The following ISX variants were observed in gnomAD, a reference collection of about 807,000 sequenced individuals.
ISX encodes the protein intestine-specific homeobox.
A neutral mutation model predicts 16.9 loss-of-function variants in ISX; 15 were observed. That is an observed-to-expected ratio of 0.89 (90% CI 0.59 to 1.36). The LOEUF (loss-of-function observed/expected upper bound fraction) is 1.36. Ranked by LOEUF, ISX falls within the 40% of genes most tolerant of loss-of-function variation. The pLI, the probability that ISX is intolerant of heterozygous loss-of-function variation, is 0.00. For synonymous variants in ISX, 125 were observed against 119.7 expected (o/e 1.04, Z -0.29); for missense variants, 316 against 306.1 (o/e 1.03, Z -0.24).
intron 2 of ISX, among the ~76,000 whole-genome samples, chr22:35,075,589 A>G (rs1009945411): frequency 3.1e-4 from 47 of 152,196 alleles, no homozygotes; most frequent in Non-Finnish European, 1.5e-4. Context: ...GCTTTAAAAT[A>G]AAAAAAGGAA....
chr22:35,080,711 A>T (rs1569113394), intron 2 of ISX, among the ~76,000 whole-genome samples: 1 of 140,182 alleles, frequency 7.1e-6, no homozygotes, highest in Non-Finnish European at 1.5e-5. Context: ...AATGTCCAGG[A>T]TGAATTCCAA....
chr22:35,078,400 C>G (rs1350132432), intron 2 of ISX, among the ~76,000 whole-genome samples: 9 of 152,198 alleles, frequency 5.9e-5, no homozygotes, highest in Non-Finnish European at 1.0e-4. Context: ...TACATCAATT[C>G]TGACTGACTT....
chr22:35,082,792 G>A (rs1306576237), intron 3 of ISX, 123 bp downstream of exon 3: 4 of 959,308 alleles, frequency 4.2e-6, no homozygotes, highest in Non-Finnish European at 6.1e-6. Context: ...TATCCTGTGA[G>A]TACAGTCATT....
chr22:35,078,542 G>T (rs1466491843), intron 2 of ISX, among the ~76,000 whole-genome samples: 1 of 152,176 alleles, frequency 6.6e-6, no homozygotes, highest in African/African-American at 2.4e-5. Context: ...CAGAGATGAG[G>T]CTCTCCTACA....
chr22:35,069,831 T>C (rs1928802953), intron 2 of ISX, among the ~76,000 whole-genome samples: 1 of 152,192 alleles, frequency 6.6e-6, no homozygotes, highest in African/African-American at 2.4e-5. Context: ...AATAAGTTCC[T>C]CTTTGTCTCC....
rs1262234547 is a variant in ISX, at chr22:35,075,820, C to A, written c.230-6698C>A. On this transcript the variant is annotated intron_variant, in intron 2 of 4. Coordinates refer to ENST00000404699, the MANE Select transcript of ISX (RefSeq NM_001303508.2). ...ACTTTCTGGTGAGTTTCTCAAGGGT[C>A]TCCTCCTAATTGTTCCAGTGATTTC... Among the ~76,000 whole-genome samples the A allele has an allele frequency of 2.6e-5, 4 of 152,306 alleles. No individual in the cohort carries two copies. The East Asian group carries it at 5.8e-4, about 22-fold the overall frequency.
chr22:35,075,628 T>C (rs2413294), intron 2 of ISX, among the ~76,000 whole-genome samples: 86,497 of 151,982 alleles, frequency 0.57, 25,109 homozygotes, highest in Middle Eastern at 0.65. Context: ...AATACGTAAG[T>C]AAAAAGTATG....
rs572709197 is a variant in ISX at position 35,085,580 on chromosome 22, T to C, written c.625T>C (p.Trp209Arg). 1.9e-6 allele frequency: 3 copies of C among 1,614,184 alleles called. No individual in the cohort carries two copies. Among genetic ancestry groups the C allele is most frequent in the East Asian group, 2.2e-5 (1 of 44,882 alleles). The change falls in exon 5 of 5, where the codon TGG becomes CGG. Residue 209 changes from tryptophan (W) to arginine (R), a missense_variant. By Grantham distance (101) the Trp-to-Arg change is moderately radical (BLOSUM62 -3). Transcript: ENST00000404699. ...AWITLLPAHP[W>R]ETQPVPGLPI... is the part of the protein sequence containing the mutation. ...GATCACCCTCCTCCCAGCGCACCCATGGGAAACACAGCCTGTCCCAGGTCT... is the reference window on the plus strand; with the variant it reads ...GATCACCCTCCTCCCAGCGCACCCACGGGAAACACAGCCTGTCCCAGGTCT...
At chr22:35,067,594 T>C (rs1217627682) in intron 2 of ISX, among the ~76,000 whole-genome samples, 1 of 152,236 alleles carries the variant, frequency 6.6e-6, no homozygotes, top group African/African-American at 2.4e-5. Context: ...TTACCATTTA[T>C]TCAGCATTGA....
chr22:35,069,498 C>T (rs1928793046), intron 2 of ISX, among the ~76,000 whole-genome samples: 1 of 152,206 alleles, frequency 6.6e-6, no homozygotes, highest in Admixed American at 6.5e-5. Flanking sequence ...TCTCTCCCAG[C>T]TCTGACATGC....
chr22:35,068,920 A>G (rs905633806), intron 2 of ISX, among the ~76,000 whole-genome samples: 1 of 152,234 alleles, frequency 6.6e-6, no homozygotes, highest in Non-Finnish European at 1.5e-5. Context: ...TATGTGAGTA[A>G]TGAGCACTAG....
rs147945190 is a variant in ISX at position 35,078,360 on chromosome 22, TG to T, written c.230-4156del. Among the ~76,000 whole-genome samples, 1,327 of 152,306 alleles carry T rather than the reference TG, an allele frequency of 8.7e-3. 21 individuals are homozygous for T. The highest frequency in any genetic ancestry group is 0.03 in the African/African-American group (1,248 of 41,564). On this transcript the variant is annotated intron_variant, in intron 2 of 4. Coordinates refer to ENST00000404699, the MANE Select transcript of ISX (RefSeq NM_001303508.2). Reference sequence around the variant, plus strand: ...ACAGAGATGACATTCACTGAGCTCTTGGAATGAATTAACACCTGCCATTTCT... The same window carrying T: ...ACAGAGATGACATTCACTGAGCTCTTGAATGAATTAACACCTGCCATTTCT...
intron 4 of ISX, 106 bp from the exon 5 acceptor site, chr22:35,085,348 G>T (rs1929225585): frequency 7.3e-7 from 1 of 1,376,236 alleles, no homozygotes; most frequent in Non-Finnish European, 1.0e-6. Flanking sequence ...AGAACAAGTG[G>T]ATCACACTAC....
intron 2 of ISX, among the ~76,000 whole-genome samples, chr22:35,067,946 C>A (rs1320909691): frequency 6.6e-6 from 1 of 152,182 alleles, no homozygotes; most frequent in Non-Finnish European, 1.5e-5. Flanking sequence ...TAACAGTGAC[C>A]AGGTAGATCG....
rs199562176 is a variant in ISX at position 35,067,191 on chromosome 22, C to A, written c.104C>A (p.Ala35Glu). The change falls in exon 2 of 5, where the codon GCG becomes GAG. Residue 35 changes from alanine to glutamate, a missense_variant. Transcript: ENST00000404699. ...KKLSLSFSIE[A>E]ILKRPARRSD... ...CTGAGCCTGTCCTTCTCCATTGAGGCGATCCTAAAGAGGCCTGCCAGGAGG... is the reference window on the plus strand; with the variant it reads ...CTGAGCCTGTCCTTCTCCATTGAGGAGATCCTAAAGAGGCCTGCCAGGAGG... The A allele has an allele frequency of 6.2e-7, 1 of 1,612,002 alleles. No individual in the cohort carries two copies. The highest frequency in any genetic ancestry group is 8.5e-7 in the Non-Finnish European group (1 of 1,179,042).
intron 4 of ISX, 30 bp from the exon 5 acceptor site, chr22:35,085,424 C>A (rs1292409458): frequency 1.2e-6 from 2 of 1,613,628 alleles, no homozygotes; most frequent in Non-Finnish European, 1.7e-6. Context: ...TTAGGACTCA[C>A]TTCTCTCTCC....
At position 35,087,210 on chromosome 22, in the gene ISX, A is replaced by T. The variant is rs544395022; in HGVS notation, c.*1517A>T. 2 of 152,324 alleles carry T rather than the reference A, an allele frequency of 1.3e-5. No homozygotes were observed. The highest frequency in any genetic ancestry group is 3.9e-4 in the East Asian group (2 of 5,184). 9.4% of individuals were successfully genotyped at this position (152,324 alleles called of 1,614,324 possible). ...AATGCCAGATCACTCAGAGCCTATG[A>T]ATGTGGATATCAACACCAGGTCTCT... On this transcript the variant is annotated 3_prime_UTR_variant, in exon 5 of 5. Coordinates refer to ENST00000404699, the MANE Select transcript of ISX (RefSeq NM_001303508.2).
chr22:35,082,597 T>C lies in ISX; in HGVS notation c.309T>C (p.Phe103=), dbSNP rs757214192. 3.7e-6 allele frequency: 6 copies of C among 1,614,074 alleles called. No homozygotes were observed. In the African/African-American group the frequency reaches 8.0e-5, roughly 22 times the overall value. ...QLHELEKIFH[F]THYPDVHIRS... is the part of the protein sequence containing the mutation. The stretch of plus-strand genomic sequence containing the variant: ...ATGAGCTGGAGAAGATCTTCCACTT[T>C]ACCCACTACCCAGACGTTCACATCC... The change falls in exon 3 of 5, where the codon TTT becomes TTC. Residue 103 remains phenylalanine (F), a synonymous_variant. Transcript: ENST00000404699.
intron 2 of ISX, among the ~76,000 whole-genome samples, chr22:35,079,265 C>T (rs917788283): frequency 6.6e-6 from 1 of 152,164 alleles, no homozygotes; most frequent in Non-Finnish European, 1.5e-5. Context: ...AAGACCTCAG[C>T]TGGAGCTCAG....
Sources: gnomAD v4.1 joint callset for allele counts (sites outside exome capture counted in the v4.1 genomes callset) on GRCh38, gnomAD v4.1.1 for gene constraint, MANE v1.5 for transcripts, NCBI Gene and HGNC (gene_info 2026-07-23, HGNC 2026-07-21) for gene names.